STAU1: variants seen among roughly 807,000 people sequenced by gnomAD.
STAU1 encodes the protein staufen double-stranded RNA binding protein 1, also known as double-stranded RNA-binding protein Staufen homolog 1.
STAU1 carries 13 observed loss-of-function variants against 62.9 expected under a neutral mutation model. That is an observed-to-expected ratio of 0.21 (90% CI 0.13 to 0.33). STAU1 has a LOEUF of 0.33. Among genes scored for constraint, STAU1 ranks in the 10% least tolerant of loss-of-function variants. STAU1 has a pLI of 1.00. For synonymous variants in STAU1, 269 were observed against 265.1 expected (o/e 1.01, Z -0.14); for missense variants, 571 against 712.1 (o/e 0.80, Z 2.25).
At chr20:49,118,534 C>G in intron 9 of STAU1, 126 bp from the exon 10 acceptor site, 1 of 719,992 alleles carries the variant, frequency 1.4e-6, no homozygotes, top group Non-Finnish European at 2.3e-6. Flanking sequence ...CAGAAAAACC[C>G]TGCCCCACCT....
upstream of STAU1, among the ~76,000 whole-genome samples, chr20:49,190,638 G>T (rs139456927): frequency 1.3e-5 from 2 of 152,046 alleles, no homozygotes; most frequent in Non-Finnish European, 1.5e-5. Flanking sequence ...ACCTAGATTT[G>T]TTTTCTTCTG....
intron 5 of STAU1, among the ~76,000 whole-genome samples, chr20:49,142,998 T>C (rs1030806831): frequency 5.3e-5 from 8 of 152,000 alleles, no homozygotes; most frequent in Non-Finnish European, 1.0e-4. Context: ...ATGAGGTCTC[T>C]CCATCTTGTC....
At chr20:49,178,706 G>C (rs1166974270) in intron 1 of STAU1, among the ~76,000 whole-genome samples, 1 of 151,662 alleles carries the variant, frequency 6.6e-6, no homozygotes, top group African/African-American at 2.4e-5. Context: ...AACTGAGATT[G>C]GGTCACTGCA....
At chr20:49,189,118 G>A (rs991327939), upstream of STAU1, among the ~76,000 whole-genome samples, 1 of 141,846 alleles carries the variant, frequency 7.0e-6, no homozygotes, top group Admixed American at 7.6e-5. Flanking sequence ...CAGGAGAATC[G>A]CTTGAACCCG....
At chr20:49,187,105 C>T (rs1379042720) in intron 1 of STAU1, among the ~76,000 whole-genome samples, 1 of 152,152 alleles carries the variant, frequency 6.6e-6, no homozygotes, top group African/African-American at 2.4e-5. Context: ...GTACACCCCC[C>T]TTCAGAGCCC....
At chr20:49,167,054 G>A (rs970368395) in intron 2 of STAU1, among the ~76,000 whole-genome samples, 1 of 152,114 alleles carries the variant, frequency 6.6e-6, no homozygotes, top group Non-Finnish European at 1.5e-5. Context: ...TGGTTGGGTG[G>A]GGGAGCACTG....
the STAU1 span, among the ~76,000 whole-genome samples, chr20:49,204,616 A>ATGTGTGTG: frequency 2.4e-5 from 1 of 42,178 alleles, no homozygotes; most frequent in African/African-American, 6.1e-5. Flanking sequence ...ATATATATAT[A>ATGTGTGTG]TATATATGTG....
At chr20:49,142,078 C>CAACAAA (rs1008106157) in intron 5 of STAU1, among the ~76,000 whole-genome samples, 1 of 151,676 alleles carries the variant, frequency 6.6e-6, no homozygotes, top group Non-Finnish European at 1.5e-5. Context: ...ACAACAACAA[C>CAACAAA]AAATATTTAT....
intron 2 of STAU1, among the ~76,000 whole-genome samples, chr20:49,171,445 G>A (rs6122760): frequency 0.12 from 18,417 of 151,998 alleles, 1,351 homozygotes; most frequent in South Asian, 0.18. Context: ...ACAGGTGCCC[G>A]CCACCACGCC....
the STAU1 span, among the ~76,000 whole-genome samples, chr20:49,209,824 G>A: frequency 4.6e-5 from 7 of 152,046 alleles, no homozygotes; most frequent in South Asian, 4.1e-4. Flanking sequence ...CGAGGCAGGC[G>A]GATCACGAGG....
intron 2 of STAU1, among the ~76,000 whole-genome samples, chr20:49,166,983 A>C (rs1400203059): frequency 6.6e-6 from 1 of 152,198 alleles, no homozygotes; most frequent in Non-Finnish European, 1.5e-5. Flanking sequence ...TTATACTATT[A>C]AAAGCAAAAG....
chr20:49,128,661 T>C (rs1350305197), intron 6 of STAU1, among the ~76,000 whole-genome samples: 1 of 150,644 alleles, frequency 6.6e-6, no homozygotes, highest in Non-Finnish European at 1.5e-5. Context: ...CAGCCAGGCA[T>C]GGTGGCTCAA....
At chr20:49,120,276 T>C in intron 8 of STAU1, 148 bp from the exon 9 acceptor site, 1 of 853,316 alleles carries the variant, frequency 1.2e-6, no homozygotes, top group Non-Finnish European at 1.7e-6. Flanking sequence ...CTCTGAGAGC[T>C]AATTATTAAA....
At chr20:49,203,594 T>C in the STAU1 span, among the ~76,000 whole-genome samples, 1 of 152,210 alleles carries the variant, frequency 6.6e-6, no homozygotes, top group African/African-American at 2.4e-5. Flanking sequence ...AAAGAGCCCT[T>C]TCATTGAAAT....
intron 1 of STAU1, among the ~76,000 whole-genome samples, chr20:49,187,743 G>A (rs1014891833): frequency 6.6e-6 from 1 of 150,820 alleles, no homozygotes; most frequent in Non-Finnish European, 1.5e-5. Context: ...GACACTGAGA[G>A]GCTCCAGCCC....
At chr20:49,153,710 C>CAATAAAAAAAAAAAAAAAAAAAAA (rs2093302742) in intron 4 of STAU1, among the ~76,000 whole-genome samples, 1 of 67,610 alleles carries the variant, frequency 1.5e-5, no homozygotes, top group Non-Finnish European at 2.7e-5. Context: ...GACTCTGTCT[C>CAATAAAAAAAAAAAAAAAAAAAAA]AAAAAAAAAA....
chr20:49,217,828 CAG>C, the STAU1 span, among the ~76,000 whole-genome samples: 2 of 150,580 alleles, frequency 1.3e-5, no homozygotes, highest in African/African-American at 4.9e-5. Flanking sequence ...ACCTGGGCGA[CAG>C]AGTGAGACCC....
chr20:49,177,457 T>C (rs2093674005), intron 1 of STAU1, among the ~76,000 whole-genome samples: 1 of 151,312 alleles, frequency 6.6e-6, no homozygotes, highest in Non-Finnish European at 1.5e-5. Context: ...GGGTGGCAGA[T>C]CCCGAAGTCA....
At chr20:49,218,391 AT>A in the STAU1 span, among the ~76,000 whole-genome samples, 2 of 150,658 alleles carry the variant, frequency 1.3e-5, no homozygotes, top group African/African-American at 2.4e-5. Flanking sequence ...CGCCCGGCTA[AT>A]TTTTTTGTAT....
Sources: gnomAD v4.1 joint callset for allele counts (sites outside exome capture counted in the v4.1 genomes callset) on GRCh38, gnomAD v4.1.1 for gene constraint, MANE v1.5 for transcripts, NCBI Gene and HGNC (gene_info 2026-07-23, HGNC 2026-07-21) for gene names.